The following CACNA1I variants were observed in gnomAD, a reference collection of about 807,000 sequenced individuals.
The protein encoded by CACNA1I is voltage-dependent T-type calcium channel subunit alpha-1I.
In CACNA1I, 74 loss-of-function variants were observed where a neutral mutation model predicts 201.6. The observed-to-expected ratio is 0.37, with a 90% CI of 0.30 to 0.45. CACNA1I has a LOEUF of 0.45. CACNA1I is among the 20% of genes least tolerant of loss of function. CACNA1I has a pLI of 1.00. For missense variants in CACNA1I, 2,346 were observed against 3,138.1 expected (o/e 0.75, Z 6.03); for synonymous variants, 1,431 against 1,345.2 (o/e 1.06, Z -1.40).
chr22:39,625,500 G>A (rs960323125), intron 4 of CACNA1I, among the ~76,000 whole-genome samples: 2 of 152,146 alleles, frequency 1.3e-5, no homozygotes, highest in Non-Finnish European at 1.5e-5. Flanking sequence ...TTCCCTACTC[G>A]TACAAACAAA....
At position 39,662,001 on chromosome 22, in the gene CACNA1I, C is replaced by G. The variant is rs1177143187; in HGVS notation, c.2938C>G (p.Arg980Gly). ...GAGCTCCTACTACGGGCCATGGGGC[C>G]GCAGCGCGGCCTGGGCCAGCCGTCG... ...SRSSYYGPWG[R>G]SAAWASRRSS... The change falls in exon 17 of 37, where the codon CGC becomes GGC. Residue 980 changes from arginine (R) to glycine (G), a missense_variant. Transcript: ENST00000402142. 1 of 1,563,440 alleles carries G rather than the reference C, an allele frequency of 6.4e-7. No homozygotes were observed. Among genetic ancestry groups the G allele is most frequent in the South Asian group, 1.2e-5 (1 of 85,474 alleles).
chr22:39,576,824 G>A (rs181148797), intron 1 of CACNA1I, among the ~76,000 whole-genome samples: 1 of 152,214 alleles, frequency 6.6e-6, no homozygotes, highest in Admixed American at 6.5e-5. Context: ...CCGCCTCTGT[G>A]CCTTCGTGTT....
intron 3 of CACNA1I, among the ~76,000 whole-genome samples, chr22:39,602,265 G>A (rs1358445133): frequency 1.3e-5 from 2 of 151,044 alleles, no homozygotes; most frequent in African/African-American, 2.4e-5. Context: ...TATAGAGACA[G>A]GGTCTCACTA....
At chr22:39,652,521 C>T (rs747944687) in intron 10 of CACNA1I, among the ~76,000 whole-genome samples, 3 of 152,226 alleles carry the variant, frequency 2.0e-5, no homozygotes, top group African/African-American at 7.2e-5. Flanking sequence ...GTCCAGCCAC[C>T]CTCAAGGCAG....
At chr22:39,617,775 C>T (rs1300257154) in intron 3 of CACNA1I, among the ~76,000 whole-genome samples, 2 of 143,626 alleles carry the variant, frequency 1.4e-5, no homozygotes, top group African/African-American at 5.2e-5. Flanking sequence ...GCCCACCGCA[C>T]CCCTCCTTTC....
chr22:39,604,460 G>C (rs560002455), intron 3 of CACNA1I, among the ~76,000 whole-genome samples: 1 of 152,214 alleles, frequency 6.6e-6, no homozygotes, highest in East Asian at 1.9e-4. Flanking sequence ...CCCACGCTTG[G>C]GTCCATACTC....
At chr22:39,673,143 TTGCC>T in intron 28 of CACNA1I, 61 bp downstream of exon 28, 1 of 1,357,294 alleles carries the variant, frequency 7.4e-7, no homozygotes, top group African/African-American at 1.4e-5. Flanking sequence ...AGACTCCTCA[TTGCC>T]TGATGAGAAC....
At chr22:39,608,265 T>G (rs536643876) in intron 3 of CACNA1I, among the ~76,000 whole-genome samples, 11 of 152,248 alleles carry the variant, frequency 7.2e-5, no homozygotes, top group Admixed American at 3.3e-4. Flanking sequence ...ATTGCACTCC[T>G]ACACTCCAGC....
chr22:39,656,839 A>T, intron 10 of CACNA1I: 1 of 506,652 alleles, frequency 2.0e-6, no homozygotes, highest in Non-Finnish European at 4.0e-6. Flanking sequence ...CGGAGAGGCT[A>T]ACTTGTGTTG....
At chr22:39,671,617 G>A (rs1421543069) in intron 26 of CACNA1I, among the ~76,000 whole-genome samples, 1 of 152,184 alleles carries the variant, frequency 6.6e-6, no homozygotes, top group Non-Finnish European at 1.5e-5. Flanking sequence ...AGTTGGAGGG[G>A]AAGAAGAGGG....
intron 1 of CACNA1I, among the ~76,000 whole-genome samples, chr22:39,590,115 C>T (rs1447744786): frequency 6.6e-6 from 1 of 152,158 alleles, no homozygotes; most frequent in Admixed American, 6.5e-5. Flanking sequence ...CCTGCCCGGG[C>T]GCCGGGCACT....
At position 39,598,343 on chromosome 22, in the gene CACNA1I, G is replaced by A. The variant is rs1326510409; in HGVS notation, c.348+81G>A. 20 of 426,288 alleles carry A rather than the reference G, an allele frequency of 4.7e-5. No homozygotes were observed. In the East Asian group the frequency reaches 4.7e-4, roughly 10 times the overall value. The allele number at this position is 426,288 out of a possible 1,614,324, so 26.4% of individuals were successfully genotyped here. A position where few individuals can be genotyped will look rare whatever the true frequency, so the allele number is the denominator to read the frequency against. Reference sequence around the variant, plus strand: ...TATGCCCCGCCCACTCCACACCCCCGCCCCATGTCCTGGCCTTGCCCCGCC... The same window carrying A: ...TATGCCCCGCCCACTCCACACCCCCACCCCATGTCCTGGCCTTGCCCCGCC... On this transcript the variant is annotated intron_variant, in intron 2 of 36. Transcript: ENST00000402142.
chr22:39,625,601 G>A (rs1263449035), intron 4 of CACNA1I, among the ~76,000 whole-genome samples: 8 of 152,186 alleles, frequency 5.3e-5, no homozygotes, highest in Admixed American at 3.3e-4. Flanking sequence ...TTACAGAATC[G>A]TATAAAATAC....
At chr22:39,627,962 C>T (rs1361411366) in intron 4 of CACNA1I, among the ~76,000 whole-genome samples, 1 of 152,110 alleles carries the variant, frequency 6.6e-6, no homozygotes, top group African/African-American at 2.4e-5. Context: ...GGTGGGAGAA[C>T]ATCTGGCCAG....
chr22:39,579,815 T>A (rs1299207625), intron 1 of CACNA1I, among the ~76,000 whole-genome samples: 1 of 152,020 alleles, frequency 6.6e-6, no homozygotes, highest in Non-Finnish European at 1.5e-5. Context: ...CCTGGCTAAG[T>A]TTTTTGTATT....
intron 1 of CACNA1I, among the ~76,000 whole-genome samples, chr22:39,587,291 G>T (rs544270327): frequency 6.6e-6 from 1 of 152,196 alleles, no homozygotes; most frequent in Non-Finnish European, 1.5e-5. Flanking sequence ...TCCTGAAAAG[G>T]ATCTCAATGC....
Position 39,686,136 on chromosome 22 carries a change from C to A in CACNA1I, c.6403C>A (p.Leu2135Ile). ...CCTCAGCAGCCTCTCGCTCACCTCC[C>A]TCTTCTGCCCGCCGCCCCCGCCGCC... ...ETLSSLSLTS[L>I]FCPPPPPPAP... The change falls in exon 37 of 37, where the codon CTC (leucine) becomes ATC (isoleucine). Residue 2135 changes from leucine to isoleucine, a missense_variant. Coordinates refer to ENST00000402142, the MANE Select transcript of CACNA1I (RefSeq NM_021096.4). 7.9e-7 allele frequency: 1 copy of A among 1,273,442 alleles called. No homozygotes were observed. The highest frequency in any genetic ancestry group is 9.9e-7 in the Non-Finnish European group (1 of 1,011,686). 78.9% of individuals were successfully genotyped at this position (1,273,442 alleles called of 1,614,324 possible). A position where few individuals can be genotyped will look rare whatever the true frequency, so the allele number is the denominator to read the frequency against.
At position 39,659,225 on chromosome 22, in the gene CACNA1I, G is replaced by A. The variant is rs1601506116; in HGVS notation, c.2330+109G>A. 2 of 1,358,174 alleles carry A rather than the reference G, an allele frequency of 1.5e-6. No individual in the cohort carries two copies. The highest frequency in any genetic ancestry group is 2.9e-5 in the African/African-American group (2 of 69,792). 84.1% of individuals were successfully genotyped at this position (1,358,174 alleles called of 1,614,324 possible). On this transcript the variant is annotated intron_variant, in intron 12 of 36. Coordinates refer to ENST00000402142, the MANE Select transcript of CACNA1I (RefSeq NM_021096.4). This position sits in a 1 kb window ranked among gnomAD's most constrained non-coding sequence, Gnocchi z 4.3. ...CTCTGGACAAAGCCACCTGGACCTG[G>A]GTGTGAAGCCTGACACTGTTCCTCA... is the stretch of plus-strand genomic sequence containing the variant.
intron 5 of CACNA1I, among the ~76,000 whole-genome samples, chr22:39,638,131 G>T (rs1421326104): frequency 6.6e-6 from 1 of 152,180 alleles, no homozygotes; most frequent in Admixed American, 6.5e-5. Context: ...GTAGAGATGG[G>T]GTTTTGCCAT....
Sources: allele counts gnomAD v4.1 joint callset (sites outside exome capture counted in the v4.1 genomes callset), GRCh38; gene constraint gnomAD v4.1.1; non-coding constraint Gnocchi (gnomAD v3.1); transcripts MANE v1.5; gene names NCBI Gene and HGNC (gene_info 2026-07-23, HGNC 2026-07-21).